The following PTPRF variants were observed in gnomAD, a reference collection of about 807,000 sequenced individuals.
PTPRF encodes protein tyrosine phosphatase receptor type F, also known as receptor-type tyrosine-protein phosphatase F.
A neutral mutation model predicts 201.8 loss-of-function variants in PTPRF; 59 were observed. The ratio of observed to expected loss-of-function variants is 0.29; its 90% CI spans 0.24 to 0.36. PTPRF has a LOEUF of 0.36. PTPRF is among the 10% of genes least tolerant of loss of function. PTPRF has a pLI of 1.00. For missense variants in PTPRF, 2,132 were observed against 2,690.5 expected (o/e 0.79, Z 4.59); for synonymous variants, 1,088 against 1,089.7 (o/e 1.00, Z 0.03).
intron 23 of PTPRF, among the ~76,000 whole-genome samples, chr1:43,617,051 T>A (rs990780201): frequency 6.6e-6 from 1 of 151,934 alleles, no homozygotes; most frequent in African/African-American, 2.4e-5. Flanking sequence ...TTTCATTAGG[T>A]GAATGCAGGG....
chr1:43,571,441 A>G (rs1405326590), intron 6 of PTPRF, among the ~76,000 whole-genome samples: 1 of 152,174 alleles, frequency 6.6e-6, no homozygotes, highest in African/African-American at 2.4e-5. Flanking sequence ...CCTGAGCTCT[A>G]GATCCAAAAT....
chr1:43,617,991 G>T, intron 25 of PTPRF, 80 bp downstream of exon 25: 1 of 1,419,192 alleles, frequency 7.0e-7, no homozygotes, highest in Non-Finnish European at 9.5e-7. Flanking sequence ...CTTCTGTGCC[G>T]CTTTCTTCTG....
intron 22 of PTPRF, among the ~76,000 whole-genome samples, chr1:43,609,914 G>A (rs1656038610): frequency 6.6e-6 from 1 of 152,202 alleles, no homozygotes; most frequent in African/African-American, 2.4e-5. Flanking sequence ...GGGAGATGAA[G>A]TGCCTGCACC....
At chr1:43,539,064 A>T (rs1570911327) in intron 2 of PTPRF, among the ~76,000 whole-genome samples, 1 of 152,338 alleles carries the variant, frequency 6.6e-6, no homozygotes, top group Middle Eastern at 3.4e-3. Context: ...GCTGTGAAAT[A>T]AAGTGGCAAA....
chr1:43,573,084 A>G (rs1462715359), intron 6 of PTPRF, among the ~76,000 whole-genome samples: 1 of 152,152 alleles, frequency 6.6e-6, no homozygotes, highest in African/African-American at 2.4e-5. Context: ...TGCGCTGCCC[A>G]GATGTGAGCT....
intron 2 of PTPRF, among the ~76,000 whole-genome samples, chr1:43,538,752 G>A (rs561387383): frequency 3.9e-5 from 6 of 152,290 alleles, no homozygotes; most frequent in Admixed American, 2.6e-4. Flanking sequence ...GTAGGTTGTC[G>A]TAGAAAGAGC....
chr1:43,600,213 C>G (rs1284842814), intron 13 of PTPRF, among the ~76,000 whole-genome samples: 2 of 152,186 alleles, frequency 1.3e-5, no homozygotes, highest in Non-Finnish European at 2.9e-5. Flanking sequence ...GTGAACACAC[C>G]TACCCAGAAA....
intron 5 of PTPRF, among the ~76,000 whole-genome samples, chr1:43,569,351 C>T (rs901862264): frequency 6.6e-6 from 1 of 152,116 alleles, no homozygotes; most frequent in African/African-American, 2.4e-5. Flanking sequence ...GGCGTTGCCT[C>T]TCAGACCTGG....
intron 1 of PTPRF, among the ~76,000 whole-genome samples, chr1:43,535,393 C>T (rs1272714003): frequency 1.3e-5 from 2 of 152,216 alleles, no homozygotes; most frequent in East Asian, 3.9e-4. Flanking sequence ...CCCTGGGCTT[C>T]TACTGAGGCT....
chr1:43,553,360 G>T lies in PTPRF; in HGVS notation c.92-132G>T, dbSNP rs988433329. ...CTGAACAGTGCCTGGCACATACTAA[G>T]CGCTACATAAAGGTGAGGTGTCCTT... is the stretch of plus-strand genomic sequence containing the variant. On this transcript the variant is annotated intron_variant, in intron 3 of 33. Coordinates refer to ENST00000359947, the MANE Select transcript of PTPRF (RefSeq NM_002840.5). This position sits in a 1 kb window ranked among gnomAD's most constrained non-coding sequence, Gnocchi z 4.1. The T allele has an allele frequency of 4.0e-6, 4 of 1,008,330 alleles. No homozygotes were observed. The South Asian group carries it at 6.2e-5, about 16-fold the overall frequency. The allele number at this position is 1,008,330 out of a possible 1,614,324, so 62.5% of individuals were successfully genotyped here.
At chr1:43,549,420 G>A (rs1039333486) in intron 3 of PTPRF, among the ~76,000 whole-genome samples, 1 of 152,190 alleles carries the variant, frequency 6.6e-6, no homozygotes, top group Non-Finnish European at 1.5e-5. Flanking sequence ...ACATGAGAGA[G>A]GGGCTGGGCT....
At position 43,537,856 on chromosome 1, in the gene PTPRF, AG is replaced by A. The variant is rs1488099141; in HGVS notation, c.-125-338del. Among the ~76,000 whole-genome samples the A allele has an allele frequency of 6.6e-6, 1 of 151,996 alleles. No homozygotes were observed. The highest frequency in any genetic ancestry group is 2.4e-5 in the African/African-American group (1 of 41,394). On this transcript the variant is annotated intron_variant, in intron 1 of 33. Coordinates refer to ENST00000359947, the MANE Select transcript of PTPRF (RefSeq NM_002840.5). This position sits in a 1 kb window ranked among gnomAD's most constrained non-coding sequence, Gnocchi z 4.8. ...GGGCAGGTAGGGCTGCAGAGGTGGGAGGGGCCGACTCTGCTTGGCTCTGGGG... is the reference window on the plus strand; with the variant it reads ...GGGCAGGTAGGGCTGCAGAGGTGGGAGGGCCGACTCTGCTTGGCTCTGGGG...
At chr1:43,543,323 C>G (rs1644466183) in intron 2 of PTPRF, among the ~76,000 whole-genome samples, 1 of 152,250 alleles carries the variant, frequency 6.6e-6, no homozygotes, top group South Asian at 2.1e-4. Context: ...TGTGGCCTTG[C>G]AGGCGTCATT....
chr1:43,524,481 G>A (rs375979517), upstream of PTPRF, among the ~76,000 whole-genome samples: 27 of 152,264 alleles, frequency 1.8e-4, 1 homozygote, highest in South Asian at 5.6e-3. Flanking sequence ...GCAATATAGT[G>A]AGACCCCACC....
At chr1:43,589,507 C>G (rs1003991472) in intron 8 of PTPRF, among the ~76,000 whole-genome samples, 1 of 152,016 alleles carries the variant, frequency 6.6e-6, no homozygotes, top group African/African-American at 2.4e-5. Flanking sequence ...AGTGTGTTCT[C>G]TCTGCCCTGA....
intron 21 of PTPRF, 36 bp downstream of exon 21, chr1:43,607,004 C>T (rs146834176): frequency 1.1e-4 from 176 of 1,606,578 alleles, no homozygotes; most frequent in Non-Finnish European, 1.1e-4. Flanking sequence ...GAACGGCCAC[C>T]TGCCCCTCGC....
Position 43,569,615 on chromosome 1 carries a change from T to C in PTPRF, c.405T>C (p.Pro135=). 1 of 1,610,436 alleles carries C rather than the reference T, an allele frequency of 6.2e-7. No individual in the cohort carries two copies. The highest frequency in any genetic ancestry group is 8.5e-7 in the Non-Finnish European group (1 of 1,177,450). ...LEEEQLPPGF[P]SIDMGPQLKV... ...AGGAACAGCTGCCCCCTGGGTTCCC[T>C]TCCATCGACATGGGGCCTCAGCTGA... Residue 135 remains proline (P), a synonymous_variant, in exon 6 of 34, where the codon CCT becomes CCC. Transcript: ENST00000359947.
chr1:43,589,695 G>GAAAA (rs55816248), intron 8 of PTPRF, among the ~76,000 whole-genome samples: 1 of 106,574 alleles, frequency 9.4e-6, no homozygotes, highest in African/African-American at 3.9e-5. Context: ...CCATCTCTAC[G>GAAAA]AAAAAAAAAA....
At chr1:43,582,495 G>C (rs1032700570) in intron 7 of PTPRF, 2 of 152,320 alleles carry the variant, frequency 1.3e-5, no homozygotes, top group Non-Finnish European at 2.9e-5. Flanking sequence ...CTGGGGCCAG[G>C]GTGGAGCCCT....
Sources: allele counts gnomAD v4.1 joint callset (sites outside exome capture counted in the v4.1 genomes callset), GRCh38; gene constraint gnomAD v4.1.1; non-coding constraint Gnocchi (gnomAD v3.1); transcripts MANE v1.5; gene names NCBI Gene and HGNC (gene_info 2026-07-23, HGNC 2026-07-21).